Variants in OPCML observed in about 807,000 individuals in gnomAD.
OPCML encodes the protein opioid-binding protein/cell adhesion molecule.
Under a neutral mutation model 37.8 loss-of-function variants are expected in OPCML, and 13 were observed. The ratio of observed to expected loss-of-function variants is 0.34; its 90% CI spans 0.22 to 0.55. The LOEUF (loss-of-function observed/expected upper bound fraction) is 0.55, where lower values mean the gene tolerates loss of function less well. OPCML is among the 20% of genes least tolerant of loss of function. OPCML has a pLI of 0.91. For synonymous variants in OPCML, 176 were observed against 168.8 expected (o/e 1.04, Z -0.33); for missense variants, 341 against 435.6 (o/e 0.78, Z 1.93).
At chr11:132,542,839 C>T (rs1401883721) in intron 3 of OPCML, among the ~76,000 whole-genome samples, 1 of 152,122 alleles carries the variant, frequency 6.6e-6, no homozygotes, top group Non-Finnish European at 1.5e-5. Flanking sequence ...ACTGAACACC[C>T]ACGCCTCTTC....
intron 2 of OPCML, among the ~76,000 whole-genome samples, chr11:132,923,367 A>T: frequency 6.6e-6 from 1 of 152,182 alleles, no homozygotes; most frequent in African/African-American, 2.4e-5. Flanking sequence ...ATTCTAAAAA[A>T]TCTTCCTGGA....
chr11:133,118,255 C>T (rs1949366631), intron 1 of OPCML: 1 of 985,236 alleles, frequency 1.0e-6, no homozygotes, highest in East Asian at 1.1e-4. Context: ...TATGTCTGTC[C>T]TGGGCTTTGT....
rs543295886 is a variant in OPCML, at chr11:133,414,642, T to A, written c.61+117622A>T. Among the ~76,000 whole-genome samples the A allele has an allele frequency of 1.9e-3, 293 of 152,274 alleles. 1 individual carries two copies. Among genetic ancestry groups the A allele is most frequent in the African/African-American group, 6.9e-3 (288 of 41,554 alleles). On this transcript the variant is annotated intron_variant, in intron 1 of 7. Transcript: ENST00000524381. ...TAGGAATCCATCTAATCCCGCAGGC[T>A]TTGAGACGAAGCCAGTTCTCAGGCT...
intron 1 of OPCML, among the ~76,000 whole-genome samples, chr11:133,218,801 G>A (rs2136357225): frequency 6.6e-6 from 1 of 152,240 alleles, no homozygotes; most frequent in African/African-American, 2.4e-5. Context: ...AGGTCTCAGA[G>A]GTCTTTGGAA....
chr11:132,898,377 C>T (rs950900353), intron 2 of OPCML, among the ~76,000 whole-genome samples: 14 of 152,148 alleles, frequency 9.2e-5, no homozygotes, highest in African/African-American at 2.9e-4. Flanking sequence ...GCCTTATCCA[C>T]GCTCATGGTA....
At chr11:133,150,798 C>T (rs1359305528) in intron 1 of OPCML, among the ~76,000 whole-genome samples, 2 of 151,996 alleles carry the variant, frequency 1.3e-5, no homozygotes, top group Non-Finnish European at 2.9e-5. Flanking sequence ...AGTGTGCCTT[C>T]CAGCTCCGAC....
rs577297437 is a variant in OPCML at position 133,052,562 on chromosome 11, T to C, written c.62-109552A>G. On this transcript the variant is annotated intron_variant, in intron 1 of 7. Transcript: ENST00000524381. The stretch of plus-strand genomic sequence containing the variant: ...CGCCAGCCCAGTGTCCCTTATTTTG[T>C]CCATGGCACCTGGATGTTGCCTTTA... 6.6e-5 allele frequency among the ~76,000 whole-genome samples: 10 copies of C among 152,316 alleles called. No individual in the cohort carries two copies. The East Asian group carries it at 1.4e-3, about 21-fold the overall frequency.
chr11:133,408,083 A>C (rs1945562290), intron 1 of OPCML, among the ~76,000 whole-genome samples: 2 of 152,218 alleles, frequency 1.3e-5, no homozygotes, highest in African/African-American at 4.8e-5. Context: ...GATGTATAAC[A>C]AAACCAATTT....
chr11:132,802,690 G>C (rs1433286986), intron 2 of OPCML, among the ~76,000 whole-genome samples: 2 of 152,156 alleles, frequency 1.3e-5, no homozygotes, highest in Non-Finnish European at 1.5e-5. Context: ...TGATTTCAGT[G>C]AAGGGTCTAT....
intron 1 of OPCML, among the ~76,000 whole-genome samples, chr11:133,110,741 C>T (rs192127806): frequency 1.3e-5 from 2 of 152,138 alleles, no homozygotes; most frequent in Admixed American, 6.5e-5. Context: ...TTTCCTACCC[C>T]CAAACTTCCC....
chr11:133,225,941 T>G (rs1456300595), intron 1 of OPCML, among the ~76,000 whole-genome samples: 1 of 152,248 alleles, frequency 6.6e-6, no homozygotes, highest in Non-Finnish European at 1.5e-5. Flanking sequence ...CATTACATCA[T>G]TCAGTCTTCA....
intron 1 of OPCML, among the ~76,000 whole-genome samples, chr11:133,337,752 A>C (rs1193182129): frequency 1.3e-5 from 2 of 152,226 alleles, no homozygotes; most frequent in Non-Finnish European, 2.9e-5. Flanking sequence ...GTTTCAACTC[A>C]GGGTGAAATC....
At chr11:133,327,529 C>A (rs2136639723) in intron 1 of OPCML, among the ~76,000 whole-genome samples, 1 of 152,130 alleles carries the variant, frequency 6.6e-6, no homozygotes, top group South Asian at 2.1e-4. Flanking sequence ...AACAGCAGAT[C>A]TCAAGCTTCG....
chr11:132,637,321 C>A (rs1285096598), intron 3 of OPCML, among the ~76,000 whole-genome samples: 1 of 152,006 alleles, frequency 6.6e-6, no homozygotes, highest in Non-Finnish European at 1.5e-5. Context: ...ACCAGACCAC[C>A]CCCACATTTT....
intron 1 of OPCML, among the ~76,000 whole-genome samples, chr11:133,370,964 G>T (rs1468559027): frequency 6.6e-6 from 1 of 152,138 alleles, no homozygotes; most frequent in African/African-American, 2.4e-5. Context: ...AAACTCAAAT[G>T]ATTCAGCGGC....
At chr11:133,226,496 G>A (rs1367968983) in intron 1 of OPCML, among the ~76,000 whole-genome samples, 1 of 152,184 alleles carries the variant, frequency 6.6e-6, no homozygotes, top group African/African-American at 2.4e-5. Context: ...ATCCCGACAT[G>A]GCGGTCCTCT....
intron 7 of OPCML, 128 bp from the exon 8 acceptor site, chr11:132,420,421 C>G (rs1169826686): frequency 7.0e-7 from 1 of 1,424,308 alleles, no homozygotes; most frequent in East Asian, 2.6e-5. Context: ...CAAGTCTAAA[C>G]AAAGGAAAAA....
intron 1 of OPCML, among the ~76,000 whole-genome samples, chr11:133,015,419 G>GGAAT (rs1947310176): frequency 1.1e-5 from 1 of 89,008 alleles, no homozygotes; most frequent in African/African-American, 3.9e-5. Context: ...AAGGAAGGAA[G>GGAAT]GAAGGAAGGA....
intron 1 of OPCML, among the ~76,000 whole-genome samples, chr11:133,096,378 A>G (rs1949004144): frequency 6.6e-6 from 1 of 152,052 alleles, no homozygotes; most frequent in African/African-American, 2.4e-5. Flanking sequence ...TACAATTGAA[A>G]TGCTAAGAAG....
Sources: allele counts gnomAD v4.1 joint callset (sites outside exome capture counted in the v4.1 genomes callset), GRCh38; gene constraint gnomAD v4.1.1; transcripts MANE v1.5; gene names NCBI Gene and HGNC (gene_info 2026-07-23, HGNC 2026-07-21).